SEC16B: variants seen among roughly 807,000 people sequenced by gnomAD.
SEC16B encodes protein transport protein Sec16B.
In SEC16B, 115 loss-of-function variants were observed where a neutral mutation model predicts 141.8. The observed-to-expected ratio is 0.81, with a 90% CI of 0.70 to 0.95. The LOEUF (loss-of-function observed/expected upper bound fraction) is 0.95. Ranked by LOEUF, SEC16B falls within the 40% of genes least tolerant of loss-of-function variation. The pLI is 0.00. For synonymous variants in SEC16B, 493 were observed against 492.5 expected (o/e 1.00, Z -0.01); for missense variants, 1,291 against 1,312.3 (o/e 0.98, Z 0.25).
chr1:177,965,079 A>G lies in SEC16B; in HGVS notation c.501T>C (p.Ser167=), dbSNP rs376682415. ...LDEHHYENQH[S]PFGTNSETHF... ...GGGTCTCACTATTTGTTCCAAATGG[A>G]CTGTGCTGGTTTTCATAATGATGTT... The change falls in exon 4 of 26, where the codon AGT becomes AGC. Residue 167 remains serine, a synonymous_variant. Coordinates refer to ENST00000308284, the MANE Select transcript of SEC16B (RefSeq NM_033127.4). The G allele has an allele frequency of 1.9e-5, 30 of 1,613,468 alleles. No individual in the cohort carries two copies. The African/African-American group carries it at 2.8e-4, about 15-fold the overall frequency.
chr1:177,939,343 C>G (rs1428521256), intron 18 of SEC16B, among the ~76,000 whole-genome samples: 14 of 152,214 alleles, frequency 9.2e-5, no homozygotes, highest in Admixed American at 9.2e-4. Context: ...CCCCAGCACT[C>G]ACATAAGATA....
chr1:177,946,079 C>CA, intron 14 of SEC16B: 1 of 551,940 alleles, frequency 1.8e-6, no homozygotes, highest in Non-Finnish European at 3.2e-6. Flanking sequence ...CACGGACCCA[C>CA]AAGCCTCCAC....
intron 10 of SEC16B, among the ~76,000 whole-genome samples, chr1:177,957,276 T>C (rs1234519336): frequency 6.6e-6 from 1 of 152,004 alleles, no homozygotes; most frequent in Non-Finnish European, 1.5e-5. Context: ...TATTCAATAA[T>C]AGTAGAATAG....
chr1:177,940,097 CCT>C (rs1651166160), intron 17 of SEC16B, among the ~76,000 whole-genome samples: 1 of 152,154 alleles, frequency 6.6e-6, no homozygotes, highest in African/African-American at 2.4e-5. Flanking sequence ...AAAAATCCAC[CCT>C]GTCTTTTCTT....
chr1:177,962,207 A>G (rs1463051775), intron 5 of SEC16B, among the ~76,000 whole-genome samples: 1 of 151,898 alleles, frequency 6.6e-6, no homozygotes, highest in Non-Finnish European at 1.5e-5. Context: ...CCAAGTAGCT[A>G]GGACTACAGG....
rs746895141 is a variant in SEC16B, at chr1:177,954,341, C to G, written c.1401G>C (p.Trp467Cys). 1 of 1,575,904 alleles carries G rather than the reference C, an allele frequency of 6.3e-7. No individual in the cohort carries two copies. Residue 467 changes from tryptophan to cysteine, a missense_variant, in exon 11 of 26, where the codon TGG (tryptophan) becomes TGC (cysteine). Around this residue, in one of 3 missense-constraint regions of SEC16B, gnomAD observed 681 missense variants for 675.5 expected, o/e 1.01. Coordinates refer to ENST00000308284, the MANE Select transcript of SEC16B (RefSeq NM_033127.4). ...TGCTGGACAGGAACAAAGCATGGCC[C>G]CACAAGTGGTTCTTCATGGCCCACT... ...ALEWAMKNHL[W>C]GHALFLSSKM...
intron 15 of SEC16B, 99 bp from the exon 16 acceptor site, chr1:177,942,139 G>A (rs757380822): frequency 5.0e-5 from 65 of 1,288,114 alleles, no homozygotes; most frequent in Non-Finnish European, 5.3e-5. Flanking sequence ...GTCAGTTTCC[G>A]CTAACTCTGG....
At chr1:177,965,645 A>T (rs1388026657) in intron 3 of SEC16B, among the ~76,000 whole-genome samples, 1 of 152,178 alleles carries the variant, frequency 6.6e-6, no homozygotes, top group East Asian at 1.9e-4. Context: ...AGGAGAAAAA[A>T]CATGGATGAA....
At chr1:177,942,378 G>A (rs115536049) in intron 15 of SEC16B, among the ~76,000 whole-genome samples, 2,515 of 152,270 alleles carry the variant, frequency 0.017, 30 homozygotes, top group Non-Finnish European at 0.024. Context: ...GGCACAAGAC[G>A]GACATTAAAA....
At chr1:177,950,708 G>A (rs1652120546) in intron 12 of SEC16B, among the ~76,000 whole-genome samples, 1 of 151,964 alleles carries the variant, frequency 6.6e-6, no homozygotes, top group Non-Finnish European at 1.5e-5. Context: ...AGTTACTAGA[G>A]CTCAGGAAAT....
chr1:177,983,319 A>G (rs1398816954), intron 1 of SEC16B, among the ~76,000 whole-genome samples: 3 of 152,142 alleles, frequency 2.0e-5, no homozygotes, highest in South Asian at 2.1e-4. Flanking sequence ...TTCTCCTCTT[A>G]TAACATCTGT....
rs778417381 is a variant in SEC16B, at chr1:177,960,857, C to T, written c.870G>A (p.Leu290=). Residue 290 remains leucine, a synonymous_variant, in exon 7 of 26, where the codon CTG becomes CTA. Coordinates refer to ENST00000308284, the MANE Select transcript of SEC16B (RefSeq NM_033127.4). The stretch of plus-strand genomic sequence containing the variant: ...TGGGAGAGCTGGGACCTACATGCAC[C>T]AGCTGACCTCCTGGCCCGAAACTCA... ...VPVSFGPGGQ[L]VHVGPSSPTD... 4 of 1,604,022 alleles carry T rather than the reference C, an allele frequency of 2.5e-6. No individual in the cohort carries two copies. The African/African-American group carries it at 5.4e-5, about 22-fold the overall frequency.
chr1:177,945,996 G>A (rs897128677), intron 14 of SEC16B: 2 of 330,174 alleles, frequency 6.1e-6, no homozygotes, highest in African/African-American at 2.1e-5. Context: ...CCCAAAGAGG[G>A]ACTAAACATA....
intron 16 of SEC16B, 121 bp downstream of exon 16, chr1:177,941,779 G>A (rs1003157201): frequency 3.0e-5 from 34 of 1,138,338 alleles, no homozygotes; most frequent in South Asian, 2.8e-4. Context: ...AAAGATGGCC[G>A]TGGGCTCCAA....
intron 14 of SEC16B, chr1:177,946,074 A>G: frequency 1.8e-6 from 1 of 547,240 alleles, no homozygotes. Flanking sequence ...CCTAACACGG[A>G]CCCACAAGCC....
chr1:177,938,726 G>T (rs1651052058), intron 18 of SEC16B, among the ~76,000 whole-genome samples: 1 of 152,028 alleles, frequency 6.6e-6, no homozygotes, highest in South Asian at 2.1e-4. Flanking sequence ...TTTATTTTTT[G>T]ATAAATTATT....
intron 1 of SEC16B, among the ~76,000 whole-genome samples, chr1:177,980,628 T>TAC (rs962446440): frequency 6.6e-6 from 1 of 151,874 alleles, no homozygotes; most frequent in African/African-American, 2.4e-5. Context: ...CTTCTTGGAG[T>TAC]TTAGTGCCTA....
rs1187393700 is a variant in SEC16B at position 177,952,038 on chromosome 1, C to A, written c.1464-43G>T. ...GTCAGCGAGGACCAAGCCCAGGGAA[C>A]CTCTTTACCCATTGCCCACAAGGCT... is the stretch of plus-strand genomic sequence containing the variant. On this transcript the variant is annotated intron_variant, in intron 11 of 25. Transcript: ENST00000308284. 4 of 1,524,280 alleles carry A rather than the reference C, an allele frequency of 2.6e-6. No individual in the cohort carries two copies. The East Asian group carries it at 7.2e-5, about 27-fold the overall frequency. The allele number at this position is 1,524,280 out of a possible 1,614,324, so 94.4% of individuals were successfully genotyped here.
Position 177,965,943 on chromosome 1 carries a change from T to A in SEC16B, c.362A>T (p.Tyr121Phe). 4 of 1,600,206 alleles carry A rather than the reference T, an allele frequency of 2.5e-6. No homozygotes were observed. The highest frequency in any genetic ancestry group is 3.4e-6 in the Non-Finnish European group (4 of 1,172,702). ...QSPTMREEYA[Y>F]GSYYYHGHPQ... ...GTGTCCATGATAGTAATAACTTCCA[T>A]AAGCATATTCCTCCCTCATTGTGGG... Residue 121 changes from tyrosine to phenylalanine, a missense_variant, in exon 3 of 26, where the codon TAT becomes TTT. This residue lies in a region of SEC16B where 681 missense variants were observed against 675.5 expected (regional missense o/e 1.01). Transcript: ENST00000308284.
Sources: gnomAD v4.1 joint callset for allele counts (sites outside exome capture counted in the v4.1 genomes callset) on GRCh38, gnomAD v4.1.1 for gene constraint, gnomAD v4.1.1 regional missense constraint, MANE v1.5 for transcripts, NCBI Gene and HGNC (gene_info 2026-07-23, HGNC 2026-07-21) for gene names.